The following METTL16 variants were observed in gnomAD, a reference collection of about 807,000 sequenced individuals.
METTL16 encodes methyltransferase 16, RNA N6-adenosine, also known as RNA N(6)-adenosine-methyltransferase METTL16.
A neutral mutation model predicts 57.9 loss-of-function variants in METTL16; 19 were observed. That is an observed-to-expected ratio of 0.33 (90% CI 0.23 to 0.48). The LOEUF (loss-of-function observed/expected upper bound fraction) is 0.48, where lower values mean the gene tolerates loss of function less well. Among genes scored for constraint, METTL16 ranks in the 20% least tolerant of loss-of-function variants. METTL16 has a pLI of 0.99. For missense variants in METTL16, 434 were observed against 691.5 expected (o/e 0.63, Z 4.18); for synonymous variants, 246 against 255.6 (o/e 0.96, Z 0.36).
chr17:2,492,394 G>C (rs7208352), intron 2 of METTL16, among the ~76,000 whole-genome samples: 3 of 151,946 alleles, frequency 2.0e-5, no homozygotes, highest in African/African-American at 7.3e-5. Flanking sequence ...ACATGCAGGG[G>C]AGAAAAATAA....
In METTL16 at chr17:2,420,217, T is replaced by C. The variant is rs1322981820; in HGVS notation, c.1442A>G (p.Gln481Arg). 1 of 1,614,112 alleles carries C rather than the reference T, an allele frequency of 6.2e-7. No individual in the cohort carries two copies. The highest frequency in any genetic ancestry group is 8.5e-7 in the Non-Finnish European group (1 of 1,180,048). The change falls in exon 10 of 10, where the codon CAA (glutamine) becomes CGA (arginine). Residue 481 changes from glutamine to arginine, a missense_variant. Coordinates refer to ENST00000263092, the MANE Select transcript of METTL16 (RefSeq NM_024086.4). This position sits in a 1 kb window ranked among gnomAD's most constrained non-coding sequence, Gnocchi z 5.4. ...GTCCTGGGCTCCGTTGCTAGAGCCTTGACAACTTTCCAAAACCTCCACCCC... is the reference window on the plus strand; with the variant it reads ...GTCCTGGGCTCCGTTGCTAGAGCCTCGACAACTTTCCAAAACCTCCACCCC... ...KGGVEVLESC[Q>R]GSSNGAQDQE...
rs938384942 is a variant in METTL16, at chr17:2,417,382, ACT to A, written c.*2586_*2587del. Reference sequence around the variant, plus strand: ...TGGCCACGGTCACGGATTTTTTAAAACTCTAAGGTCATTAGCTTGACATCTAT... The same window carrying A: ...TGGCCACGGTCACGGATTTTTTAAAACTAAGGTCATTAGCTTGACATCTAT... On this transcript the variant is annotated 3_prime_UTR_variant, in exon 10 of 10. Coordinates refer to ENST00000263092, the MANE Select transcript of METTL16 (RefSeq NM_024086.4). 1.6e-4 allele frequency: 24 copies of A among 150,936 alleles called. No homozygotes were observed. Among genetic ancestry groups the A allele is most frequent in the African/African-American group, 5.6e-4 (23 of 41,064 alleles). 9.3% of individuals were successfully genotyped at this position (150,936 alleles called of 1,614,324 possible).
chr17:2,489,121 T>TTA (rs2070000410), intron 2 of METTL16, among the ~76,000 whole-genome samples: 3 of 151,260 alleles, frequency 2.0e-5, no homozygotes, highest in Admixed American at 2.0e-4. Context: ...CTTTTTTTTT[T>TTA]ATTTTTTTTT....
At position 2,477,900 on chromosome 17, in the gene METTL16, A is replaced by G. The variant is rs773640512; in HGVS notation, c.129-15T>C. Reference sequence around the variant, plus strand: ...TAAAATTAAGGCTGAGGAATAAAGAAAAGGAAGTAAAACTGATTAGTAAGA... The same window carrying G: ...TAAAATTAAGGCTGAGGAATAAAGAGAAGGAAGTAAAACTGATTAGTAAGA... On this transcript the variant is annotated splice_polypyrimidine_tract_variant and intron_variant, in intron 2 of 9. Coordinates refer to ENST00000263092, the MANE Select transcript of METTL16 (RefSeq NM_024086.4). The G allele has an allele frequency of 6.2e-7, 1 of 1,605,856 alleles. No individual in the cohort carries two copies. Among genetic ancestry groups the G allele is most frequent in the Non-Finnish European group, 8.5e-7 (1 of 1,173,508 alleles).
intron 1 of METTL16, among the ~76,000 whole-genome samples, chr17:2,507,487 T>C (rs1226443232): frequency 8.5e-5 from 10 of 117,236 alleles, no homozygotes; most frequent in East Asian, 5.8e-4. Context: ...ACAGCCGCCC[T>C]GTCCGGGAGG....
intron 6 of METTL16, among the ~76,000 whole-genome samples, chr17:2,462,257 A>G (rs1302389253): frequency 6.6e-6 from 1 of 152,228 alleles, no homozygotes; most frequent in African/African-American, 2.4e-5. Flanking sequence ...TTCCATTTGT[A>G]TGAAGTGCCT....
intron 6 of METTL16, among the ~76,000 whole-genome samples, chr17:2,458,026 C>T (rs565699207): frequency 1.1e-4 from 17 of 152,146 alleles, no homozygotes; most frequent in Non-Finnish European, 1.8e-4. Flanking sequence ...ACCACAGGCA[C>T]GTGCAACCAT....
chr17:2,505,279 G>C (rs1035322292), intron 1 of METTL16, among the ~76,000 whole-genome samples: 1 of 151,346 alleles, frequency 6.6e-6, no homozygotes, highest in Non-Finnish European at 1.5e-5. Flanking sequence ...AAAAATCTAG[G>C]AGTCAGTTGA....
chr17:2,446,310 A>C (rs1303117329), intron 6 of METTL16, among the ~76,000 whole-genome samples: 3 of 152,252 alleles, frequency 2.0e-5, no homozygotes, highest in African/African-American at 7.2e-5. Flanking sequence ...CAAGTAAGGC[A>C]AGAAAAAGAA....
intron 1 of METTL16, among the ~76,000 whole-genome samples, chr17:2,506,485 G>A (rs897244644): frequency 2.7e-5 from 3 of 111,864 alleles, no homozygotes; most frequent in East Asian, 2.3e-4. Context: ...ACGGGGTTTC[G>A]CTGTGTTGGC....
intron 7 of METTL16, among the ~76,000 whole-genome samples, chr17:2,440,256 T>TC (rs1460696052): frequency 6.7e-6 from 1 of 148,802 alleles, no homozygotes; most frequent in African/African-American, 2.4e-5. Context: ...GACACCATCT[T>TC]TTTTTTTTTT....
intron 8 of METTL16, among the ~76,000 whole-genome samples, chr17:2,433,980 A>G (rs2066893187): frequency 6.6e-6 from 1 of 152,222 alleles, no homozygotes; most frequent in Non-Finnish European, 1.5e-5. Flanking sequence ...GATCGGGATC[A>G]ATAGCTCCAC....
intron 2 of METTL16, among the ~76,000 whole-genome samples, chr17:2,483,023 TA>T (rs55710404): frequency 0.063 from 9,024 of 143,718 alleles, 579 homozygotes; most frequent in African/African-American, 0.17. Flanking sequence ...CATATAGTGT[TA>T]AAAAAAAAAA....
At position 2,420,184 on chromosome 17, in the gene METTL16, G is replaced by T. The variant is rs1290292741; in HGVS notation, c.1475C>A (p.Ala492Asp). 3.1e-6 allele frequency: 5 copies of T among 1,614,116 alleles called. No homozygotes were observed. The East Asian group carries it at 8.9e-5, about 29-fold the overall frequency. Residue 492 changes from alanine (A) to aspartate (D), a missense_variant, in exon 10 of 10, where the codon GCT (alanine) becomes GAT (aspartate). Transcript: ENST00000263092. This position sits in a 1 kb window ranked among gnomAD's most constrained non-coding sequence, Gnocchi z 5.4. ...CACTGGGCTGCCGAACTGCTCAGAAGCCTCTTGGTCCTGGGCTCCGTTGCT... is the reference window on the plus strand; with the variant it reads ...CACTGGGCTGCCGAACTGCTCAGAATCCTCTTGGTCCTGGGCTCCGTTGCT... Reference protein sequence around the residue: ...GSSNGAQDQEASEQFGSPVAE... With the variant: ...GSSNGAQDQEDSEQFGSPVAE...
rs143699288 is a variant in METTL16, at chr17:2,457,642, C to T, written c.728+6566G>A. ...AGAATTGCTTAAACCTAGGAGACGG[C>T]GGAGGTTGCGGTGAGCTAAAATCAC... On this transcript the variant is annotated intron_variant, in intron 6 of 9. Transcript: ENST00000263092. Among the ~76,000 whole-genome samples the T allele has an allele frequency of 1.5e-3, 222 of 149,772 alleles. 1 individual carries two copies. Among genetic ancestry groups the T allele is most frequent in the African/African-American group, 5.1e-3 (209 of 40,730 alleles).
chr17:2,437,802 G>A (rs936530663), intron 8 of METTL16, among the ~76,000 whole-genome samples: 4 of 152,090 alleles, frequency 2.6e-5, no homozygotes, highest in African/African-American at 4.8e-5. Context: ...CGCCCAGCTC[G>A]GCTTCCCAAA....
chr17:2,501,342 C>A (rs975263828), intron 2 of METTL16, among the ~76,000 whole-genome samples: 1 of 152,068 alleles, frequency 6.6e-6, no homozygotes, highest in African/African-American at 2.4e-5. Flanking sequence ...GGCAGGAAGA[C>A]AGCTTGAGCC....
chr17:2,502,850 T>G (rs949184151), intron 1 of METTL16, among the ~76,000 whole-genome samples: 11 of 151,860 alleles, frequency 7.2e-5, no homozygotes, highest in Admixed American at 2.6e-4. Flanking sequence ...ATCAGGGAAA[T>G]ACAAATCAAA....
intron 7 of METTL16, among the ~76,000 whole-genome samples, chr17:2,440,560 C>CAA (rs368245245): frequency 5.6e-5 from 8 of 143,772 alleles, no homozygotes; most frequent in African/African-American, 2.1e-4. Flanking sequence ...CCCCATTTCT[C>CAA]AAAAAAAAAC....
Sources: allele counts gnomAD v4.1 joint callset (sites outside exome capture counted in the v4.1 genomes callset), GRCh38; gene constraint gnomAD v4.1.1; non-coding constraint Gnocchi (gnomAD v3.1); transcripts MANE v1.5; gene names NCBI Gene and HGNC (gene_info 2026-07-23, HGNC 2026-07-21).